LUZP2: variants seen among roughly 807,000 people sequenced by gnomAD.
The protein encoded by LUZP2 is leucine zipper protein 2.
In LUZP2, 52 loss-of-function variants were observed where a neutral mutation model predicts 51.6. The observed-to-expected ratio is 1.01, with a 90% CI of 0.81 to 1.27. The LOEUF (loss-of-function observed/expected upper bound fraction) is 1.27, where lower values mean the gene tolerates loss of function less well. Among genes scored for constraint, LUZP2 ranks in the 50% most tolerant of loss-of-function variants. The pLI is 0.00. For synonymous variants in LUZP2, 154 were observed against 137.3 expected (o/e 1.12, Z -0.85); for missense variants, 436 against 395.4 (o/e 1.10, Z -0.87).
chr11:24,748,308 C>A (rs1364972478), intron 4 of LUZP2, among the ~76,000 whole-genome samples: 1 of 152,164 alleles, frequency 6.6e-6, no homozygotes, highest in Non-Finnish European at 1.5e-5. Flanking sequence ...CTGCAAACTG[C>A]TCCTTCAGTT....
At chr11:24,753,812 C>T (rs1859677318) in intron 4 of LUZP2, among the ~76,000 whole-genome samples, 1 of 152,022 alleles carries the variant, frequency 6.6e-6, no homozygotes. Flanking sequence ...TTCTGTCAAT[C>T]TTTATCTTCA....
At chr11:25,062,622 A>C (rs1229763557) in intron 10 of LUZP2, among the ~76,000 whole-genome samples, 2 of 149,654 alleles carry the variant, frequency 1.3e-5, no homozygotes, top group Non-Finnish European at 3.0e-5. Context: ...AAGAAAGGAA[A>C]GGAAACCAGC....
intron 9 of LUZP2, among the ~76,000 whole-genome samples, chr11:25,002,046 G>A (rs887474056): frequency 2.0e-5 from 3 of 152,222 alleles, no homozygotes; most frequent in Non-Finnish European, 1.5e-5. Context: ...CCAGAGGTTA[G>A]GAACTCCCTT....
In LUZP2 at chr11:24,943,485, C is replaced by T. The variant is rs114174691; in HGVS notation, c.522+28947C>T. ...AAGTGTCCCATGCTGGGATCTACTGCGGTTATTTGAGTGTCAGTCACCTTT... is the reference window on the plus strand; with the variant it reads ...AAGTGTCCCATGCTGGGATCTACTGTGGTTATTTGAGTGTCAGTCACCTTT... On this transcript the variant is annotated intron_variant, in intron 7 of 11. Transcript: ENST00000336930. Among the ~76,000 whole-genome samples, 497 of 152,194 alleles carry T rather than the reference C, an allele frequency of 3.3e-3. 5 individuals are homozygous for T. Among genetic ancestry groups the T allele is most frequent in the African/African-American group, 0.012 (479 of 41,526 alleles).
At chr11:24,849,052 A>G (rs1197076672) in intron 5 of LUZP2, among the ~76,000 whole-genome samples, 1 of 152,016 alleles carries the variant, frequency 6.6e-6, no homozygotes, top group Non-Finnish European at 1.5e-5. Flanking sequence ...TTCTCACCAC[A>G]CTTTTTTTGC....
chr11:24,976,678 T>C lies in LUZP2; in HGVS notation c.597+13T>C. ...AGCTCTTGACAGGGTAAGTCTACAT[T>C]CATGAACCATTACAACTGTAGTTTT... On this transcript the variant is annotated intron_variant, in intron 8 of 11. Coordinates refer to ENST00000336930, the MANE Select transcript of LUZP2 (RefSeq NM_001009909.4). 8.4e-7 allele frequency: 1 copy of C among 1,197,102 alleles called. No homozygotes were observed. Among genetic ancestry groups the C allele is most frequent in the Non-Finnish European group, 1.1e-6 (1 of 872,286 alleles). The allele number at this position is 1,197,102 out of a possible 1,614,324, so 74.2% of individuals were successfully genotyped here.
intron 4 of LUZP2, among the ~76,000 whole-genome samples, chr11:24,744,741 T>C (rs968696362): frequency 4.6e-5 from 7 of 152,162 alleles, no homozygotes; most frequent in African/African-American, 1.7e-4. Context: ...TTTCCTTTTT[T>C]CTTCTGGGTT....
chr11:25,026,632 T>A (rs991270535), intron 9 of LUZP2, among the ~76,000 whole-genome samples: 1 of 152,106 alleles, frequency 6.6e-6, no homozygotes, highest in Non-Finnish European at 1.5e-5. Context: ...ACTTGCTTTG[T>A]TAAATTTGGA....
intron 1 of LUZP2, among the ~76,000 whole-genome samples, chr11:24,536,531 C>T (rs1047859309): frequency 1.3e-5 from 2 of 151,854 alleles, no homozygotes; most frequent in African/African-American, 4.8e-5. Context: ...ATGAACCAAA[C>T]TCTGCTAGCT....
chr11:24,962,075 C>A (rs1855426294), intron 7 of LUZP2, among the ~76,000 whole-genome samples: 1 of 151,754 alleles, frequency 6.6e-6, no homozygotes, highest in South Asian at 2.1e-4. Flanking sequence ...GAATATTGGC[C>A]CCCACTCTCT....
chr11:24,995,319 G>A (rs565460659), intron 9 of LUZP2, among the ~76,000 whole-genome samples: 2 of 152,102 alleles, frequency 1.3e-5, no homozygotes, highest in Non-Finnish European at 2.9e-5. Context: ...CTTCAGCAAG[G>A]GGGGCAGAGA....
intron 1 of LUZP2, among the ~76,000 whole-genome samples, chr11:24,709,958 A>G (rs757285702): frequency 2.0e-5 from 3 of 152,194 alleles, no homozygotes; most frequent in Non-Finnish European, 4.4e-5. Flanking sequence ...TTAAATAAAC[A>G]TGAACCAGGA....
intron 9 of LUZP2, among the ~76,000 whole-genome samples, chr11:24,997,502 G>A (rs1466004176): frequency 1.3e-5 from 2 of 152,168 alleles, no homozygotes; most frequent in East Asian, 3.8e-4. Flanking sequence ...TGAGTTCATT[G>A]TAGGTTCTAG....
chr11:24,960,668 T>C (rs141863861), intron 7 of LUZP2, among the ~76,000 whole-genome samples: 3 of 152,168 alleles, frequency 2.0e-5, no homozygotes, highest in Admixed American at 6.5e-5. Flanking sequence ...TAGCGGTCTA[T>C]CAATTTTCTT....
intron 5 of LUZP2, among the ~76,000 whole-genome samples, chr11:24,790,337 T>C (rs1193633808): frequency 1.3e-5 from 2 of 152,194 alleles, no homozygotes; most frequent in Non-Finnish European, 2.9e-5. Flanking sequence ...GTCAAAATGA[T>C]AGTTCCTAGT....
intron 1 of LUZP2, among the ~76,000 whole-genome samples, chr11:24,506,503 A>C (rs1380755301): frequency 6.6e-6 from 1 of 152,074 alleles, no homozygotes; most frequent in Non-Finnish European, 1.5e-5. Context: ...CTGCGTGCAC[A>C]CAGAAAAGTG....
chr11:24,750,955 A>C (rs1045945327), intron 4 of LUZP2, among the ~76,000 whole-genome samples: 4 of 152,196 alleles, frequency 2.6e-5, no homozygotes, highest in Non-Finnish European at 4.4e-5. Flanking sequence ...ATCAAAATAT[A>C]TGGAAAGTGG....
At chr11:25,018,067 T>G (rs1857213801) in intron 9 of LUZP2, among the ~76,000 whole-genome samples, 1 of 151,808 alleles carries the variant, frequency 6.6e-6, no homozygotes, top group Non-Finnish European at 1.5e-5. Flanking sequence ...TTTGCAGCTG[T>G]TTTAAAAAGG....
intron 9 of LUZP2, among the ~76,000 whole-genome samples, chr11:25,048,606 A>C (rs1858392745): frequency 6.6e-6 from 1 of 152,168 alleles, no homozygotes; most frequent in African/African-American, 2.4e-5. Flanking sequence ...ATTTAATAGG[A>C]TTAGAAAGAA....
Sources: allele counts gnomAD v4.1 joint callset (sites outside exome capture counted in the v4.1 genomes callset), GRCh38; gene constraint gnomAD v4.1.1; transcripts MANE v1.5; gene names NCBI Gene and HGNC (gene_info 2026-07-23, HGNC 2026-07-21).